The following KALRN variants were observed in gnomAD, a reference collection of about 807,000 sequenced individuals.
KALRN encodes the protein kalirin RhoGEF kinase, also known as kalirin.
A neutral mutation model predicts 353.7 loss-of-function variants in KALRN; 70 were observed. The observed-to-expected ratio is 0.20, with a 90% CI of 0.16 to 0.24. The LOEUF (loss-of-function observed/expected upper bound fraction) is 0.24. Among genes scored for constraint, KALRN ranks in the 10% least tolerant of loss-of-function variants. The pLI, the probability that KALRN is intolerant of heterozygous loss-of-function variation, is 1.00. For missense variants in KALRN, 2,791 were observed against 3,756.7 expected (o/e 0.74, Z 6.72); for synonymous variants, 1,391 against 1,434.8 (o/e 0.97, Z 0.69).
At chr3:124,318,492 T>G (rs758275675) in intron 6 of KALRN, among the ~76,000 whole-genome samples, 14 of 152,192 alleles carry the variant, frequency 9.2e-5, no homozygotes, top group Non-Finnish European at 1.5e-4. Flanking sequence ...ATGGTAATGT[T>G]AAACTAATTA....
intron 49 of KALRN, chr3:124,677,361 T>C: frequency 3.8e-6 from 1 of 260,256 alleles, no homozygotes; most frequent in South Asian, 4.0e-5. Context: ...GTAAGGGCTC[T>C]GCTCTGAGCT....
At position 124,269,167 on chromosome 3, in the gene KALRN, G is replaced by A. The variant is rs1293775314; in HGVS notation, c.881G>A (p.Arg294Gln). 1.9e-6 allele frequency: 3 copies of A among 1,613,020 alleles called. No homozygotes were observed. Among genetic ancestry groups the A allele is most frequent in the South Asian group, 2.2e-5 (2 of 91,072 alleles). ...TSLLDKLHST[R>Q]QHLHQMWHVR... is the part of the protein sequence containing the mutation. The stretch of plus-strand genomic sequence containing the variant: ...CTCCTGGACAAGCTGCACTCCACCC[G>A]GCAGCACCTGCACCAGATGTGGCAT... The change falls in exon 5 of 60, where the codon CGG (arginine) becomes CAG (glutamine). Residue 294 changes from arginine to glutamine, a missense_variant. Transcript: ENST00000682506.
intron 38 of KALRN, among the ~76,000 whole-genome samples, chr3:124,652,154 GT>G (rs757800650): frequency 5.3e-5 from 8 of 152,182 alleles, no homozygotes; most frequent in Non-Finnish European, 1.2e-4. Context: ...GCAAAAATAA[GT>G]GAGGCCAGGT....
chr3:124,110,010 CAT>C lies in KALRN; in HGVS notation c.73+76202_73+76203del, dbSNP rs36082376. ...ATATGTCATACTTTGATATATATGA[CAT>C]ATATGTCATACTTTGATATATATGA... On this transcript the variant is annotated intron_variant, in intron 1 of 59. Transcript: ENST00000682506. Among the ~76,000 whole-genome samples the C allele has an allele frequency of 1.9e-4, 2 of 10,560 alleles. 1 individual carries two copies. The highest frequency in any genetic ancestry group is 3.3e-3 in the Admixed American group (2 of 598). The allele number at this position is 10,560 out of a possible 152,430, so 6.9% of individuals were successfully genotyped here.
intron 37 of KALRN, among the ~76,000 whole-genome samples, chr3:124,642,809 T>TTTTTGTTGTTG (rs1162578671): frequency 1.1e-5 from 1 of 88,352 alleles, no homozygotes; most frequent in African/African-American, 4.7e-5. Context: ...AAGCCTCGTT[T>TTTTTGTTGTTG]TTTTTTTTTT....
Position 124,650,896 on chromosome 3 carries a change from A to T in KALRN, c.5753A>T (p.Asn1918Ile). The change falls in exon 38 of 60, where the codon AAC becomes ATC. Residue 1918 changes from asparagine (N) to isoleucine (I), a missense_variant. Asn to Ile is a moderately radical substitution (Grantham distance 149). Around this residue, in one of 11 missense-constraint regions of KALRN, gnomAD observed 1,065 missense variants for 1,156.4 expected, o/e 0.92. Coordinates refer to ENST00000682506, the MANE Select transcript of KALRN (RefSeq NM_001388419.1). ...ATGGCCCCACCCACACCTCCTAAAAACCCAGAAGAAGAACAGAAAGCCAAG... is the reference window on the plus strand; with the variant it reads ...ATGGCCCCACCCACACCTCCTAAAATCCCAGAAGAAGAACAGAAAGCCAAG... ...EGMAPPTPPK[N>I]PEEEQKAKAL... The T allele has an allele frequency of 6.2e-7, 1 of 1,614,178 alleles. No individual in the cohort carries two copies. Among genetic ancestry groups the T allele is most frequent in the Non-Finnish European group, 8.5e-7 (1 of 1,180,026 alleles).
chr3:124,480,641 A>G (rs554071602), intron 27 of KALRN, among the ~76,000 whole-genome samples: 83 of 152,184 alleles, frequency 5.5e-4, no homozygotes, highest in African/African-American at 1.9e-3. Flanking sequence ...CCTTCAGTCA[A>G]TTTTAGGGCA....
intron 1 of KALRN, among the ~76,000 whole-genome samples, chr3:124,151,716 T>C (rs1358829371): frequency 6.6e-6 from 1 of 152,206 alleles, no homozygotes; most frequent in Non-Finnish European, 1.5e-5. Context: ...TGTGGTCCAG[T>C]TTATTATTTT....
intron 10 of KALRN, among the ~76,000 whole-genome samples, chr3:124,382,536 C>T (rs1459896558): frequency 6.6e-6 from 1 of 152,154 alleles, no homozygotes; most frequent in African/African-American, 2.4e-5. Context: ...ATGCTAAAAC[C>T]AGGAAAATCC....
At chr3:124,648,623 A>C (rs2083039626) in intron 37 of KALRN, among the ~76,000 whole-genome samples, 1 of 152,350 alleles carries the variant, frequency 6.6e-6, no homozygotes, top group East Asian at 1.9e-4. Flanking sequence ...GCGAGCCTAT[A>C]AACCAAGGCT....
At chr3:124,372,822 G>A (rs185473914) in intron 10 of KALRN, among the ~76,000 whole-genome samples, 4 of 151,976 alleles carry the variant, frequency 2.6e-5, no homozygotes, top group Non-Finnish European at 5.9e-5. Flanking sequence ...ACTGTCCTAA[G>A]TTCTGAGCAA....
intron 10 of KALRN, among the ~76,000 whole-genome samples, chr3:124,360,345 T>G (rs2149678798): frequency 6.6e-6 from 1 of 152,312 alleles, no homozygotes; most frequent in Admixed American, 6.5e-5. Context: ...GCGATTCCAT[T>G]TGGTGTATGT....
At chr3:124,202,542 G>A (rs139972040) in intron 1 of KALRN, among the ~76,000 whole-genome samples, 7 of 152,196 alleles carry the variant, frequency 4.6e-5, no homozygotes, top group East Asian at 1.9e-4. Flanking sequence ...TTGAGCCACC[G>A]TGCAGCCTAC....
chr3:124,225,207 A>T (rs1579640856), intron 1 of KALRN, among the ~76,000 whole-genome samples: 1 of 152,306 alleles, frequency 6.6e-6, no homozygotes, highest in East Asian at 1.9e-4. Context: ...CCAATTTCTG[A>T]GCTGCTGGGC....
At chr3:124,105,065 A>G (rs1578104509) in intron 1 of KALRN, among the ~76,000 whole-genome samples, 1 of 152,322 alleles carries the variant, frequency 6.6e-6, no homozygotes, top group East Asian at 1.9e-4. Flanking sequence ...ATCTGAATGC[A>G]TAAAGACAAC....
chr3:124,257,015 C>T (rs1056892558), intron 3 of KALRN, among the ~76,000 whole-genome samples: 2 of 152,164 alleles, frequency 1.3e-5, no homozygotes, highest in Admixed American at 1.3e-4. Flanking sequence ...ACTCCAATGG[C>T]AGAAATCCTT....
At chr3:124,327,517 A>T (rs1280275226) in intron 7 of KALRN, among the ~76,000 whole-genome samples, 2 of 152,174 alleles carry the variant, frequency 1.3e-5, no homozygotes, top group Non-Finnish European at 2.9e-5. Context: ...GTTCTCTGTA[A>T]ATTGTGTTTT....
At chr3:124,395,889 T>C (rs913837812) in intron 12 of KALRN, among the ~76,000 whole-genome samples, 1 of 152,204 alleles carries the variant, frequency 6.6e-6, no homozygotes. Context: ...TAAAACTCCT[T>C]CTGCATCAAC....
chr3:124,575,225 C>T (rs1295453559), intron 34 of KALRN, among the ~76,000 whole-genome samples: 1 of 152,224 alleles, frequency 6.6e-6, no homozygotes, highest in Non-Finnish European at 1.5e-5. Flanking sequence ...CAGATTGTGC[C>T]CACTTGCCTT....
Sources: gnomAD v4.1 joint callset for allele counts (sites outside exome capture counted in the v4.1 genomes callset) on GRCh38, gnomAD v4.1.1 for gene constraint, gnomAD v4.1.1 regional missense constraint, MANE v1.5 for transcripts, NCBI Gene and HGNC (gene_info 2026-07-23, HGNC 2026-07-21) for gene names.